NOMO3: variants seen among roughly 807,000 people sequenced by gnomAD.
The protein encoded by NOMO3 is NODAL modulator 3.
NOMO3 carries 15 observed loss-of-function variants against 69.9 expected under a neutral mutation model. That is an observed-to-expected ratio of 0.21 (90% confidence interval 0.14 to 0.33). The LOEUF (loss-of-function observed/expected upper bound fraction) is 0.33. Among genes scored for constraint, NOMO3 ranks in the 10% least tolerant of loss-of-function variants. The probability of loss-of-function intolerance (pLI) is 1.00; values close to 1 mark genes in which losing one functional copy is unlikely to be tolerated. For synonymous variants in NOMO3, 89 were observed against 301.9 expected (o/e 0.29, Z 7.31); for missense variants, 218 against 761.0 (o/e 0.29, Z 8.39).
Position 16,233,522 on chromosome 16 carries a change from T to TTA in NOMO3, c.165+691_165+692insTA, listed in dbSNP as rs1555524864. Among the ~76,000 whole-genome samples, 200 of 114,708 alleles carry TTA rather than the reference T, an allele frequency of 1.7e-3. 1 individual carries two copies. The highest frequency in any genetic ancestry group is 2.5e-3 in the Non-Finnish European group (128 of 51,684). The allele number at this position is 114,708 out of a possible 152,430, so 75.3% of individuals were successfully genotyped here. A position where few individuals can be genotyped will look rare whatever the true frequency, so the allele number is the denominator to read the frequency against. On this transcript the variant is annotated intron_variant, in intron 1 of 30. Transcript: ENST00000399336. ...TGAAGGTTTTTTTTTTTTTTTTTTTTAATTAAGTTGTAAAGTCCTGTTAAA... is the reference window on the plus strand; with the variant it reads ...TGAAGGTTTTTTTTTTTTTTTTTTTTTAAATTAAGTTGTAAAGTCCTGTTAAA...
At chr16:16,243,434 G>A (rs1161577764) in intron 4 of NOMO3, among the ~76,000 whole-genome samples, 173 bp downstream of exon 4, 1 of 143,722 alleles carries the variant, frequency 7.0e-6, no homozygotes, top group East Asian at 2.2e-4. Context: ...GAACACAGCA[G>A]GTGTATTTAG....
chr16:16,249,194 T>C (rs1041594663), intron 6 of NOMO3, among the ~76,000 whole-genome samples: 10 of 145,520 alleles, frequency 6.9e-5, no homozygotes, highest in South Asian at 2.2e-4. Flanking sequence ...TACGCACTTA[T>C]AATTGATGAT....
intron 2 of NOMO3, among the ~76,000 whole-genome samples, chr16:16,239,411 C>T (rs2049357526): frequency 6.8e-6 from 1 of 146,238 alleles, no homozygotes; most frequent in Admixed American, 6.7e-5. Context: ...CTGCCTTGGC[C>T]TCCCACAGTG....
At chr16:16,268,348 T>C (rs960588928) in intron 16 of NOMO3, among the ~76,000 whole-genome samples, 2 of 146,314 alleles carry the variant, frequency 1.4e-5, no homozygotes, top group African/African-American at 5.5e-5. Context: ...CATTTGATAT[T>C]CCCACCAGCA....
chr16:16,265,943 C>T (rs1141486), intron 15 of NOMO3, among the ~76,000 whole-genome samples: 45 of 141,990 alleles, frequency 3.2e-4, no homozygotes, highest in African/African-American at 4.7e-4. Flanking sequence ...GATCCACCCG[C>T]GTTGGCCTCG....
chr16:16,265,884 G>T (rs2049615423), intron 15 of NOMO3, among the ~76,000 whole-genome samples: 1 of 140,842 alleles, frequency 7.1e-6, no homozygotes, highest in Admixed American at 6.8e-5. Flanking sequence ...GTTAGAGACA[G>T]AGTTCCACCA....
At chr16:16,269,383 G>A (rs576051193) in intron 16 of NOMO3, among the ~76,000 whole-genome samples, 7 of 142,236 alleles carry the variant, frequency 4.9e-5, no homozygotes, top group Non-Finnish European at 8.9e-5. Flanking sequence ...ATGCTCTGTC[G>A]ATATTTGTTG....
At position 16,242,511 on chromosome 16, in the gene NOMO3, C is replaced by T. The variant is rs1347095693; in HGVS notation, c.302-650C>T. Among the ~76,000 whole-genome samples, 2 of 142,854 alleles carry T rather than the reference C, an allele frequency of 1.4e-5. 1 individual carries two copies. Among genetic ancestry groups the T allele is most frequent in the African/African-American group, 5.7e-5 (2 of 34,996 alleles). 93.7% of individuals were successfully genotyped at this position (142,854 alleles called of 152,430 possible). On this transcript the variant is annotated intron_variant, in intron 3 of 30. Coordinates refer to ENST00000399336, the MANE Select transcript of NOMO3 (RefSeq NM_001004067.4). ...TGGCAGACTTGAGTGGCAGTTGTCTCCTTTCAATTTGCCACAGTCCCCCTG... is the reference window on the plus strand; with the variant it reads ...TGGCAGACTTGAGTGGCAGTTGTCTTCTTTCAATTTGCCACAGTCCCCCTG...
Position 16,261,156 on chromosome 16 carries a change from C to G in NOMO3, c.1221-346C>G, listed in dbSNP as rs2141257737. ...TCTCAGTCCAAGGCCGCTCTGCTGT[C>G]AACGATCCAATTACCTGAAACGTTT... On this transcript the variant is annotated intron_variant, in intron 11 of 30. Coordinates refer to ENST00000399336, the MANE Select transcript of NOMO3 (RefSeq NM_001004067.4). 2 of 329,986 alleles carry G rather than the reference C, an allele frequency of 6.1e-6. 1 individual carries two copies. The highest frequency in any genetic ancestry group is 2.0e-4 in the East Asian group (2 of 9,926). The allele number at this position is 329,986 out of a possible 1,614,324, so 20.4% of individuals were successfully genotyped here. A position where few individuals can be genotyped will look rare whatever the true frequency, so the allele number is the denominator to read the frequency against.
chr16:16,257,758 T>G (rs1250526155), intron 11 of NOMO3, among the ~76,000 whole-genome samples: 1 of 143,720 alleles, frequency 7.0e-6, no homozygotes, highest in Admixed American at 6.7e-5. Flanking sequence ...GTCCCCTGGC[T>G]TGATCACTGA....
intron 6 of NOMO3, among the ~76,000 whole-genome samples, chr16:16,248,555 C>T (rs1468453726): frequency 1.4e-5 from 2 of 147,296 alleles, no homozygotes; most frequent in African/African-American, 2.5e-5. Flanking sequence ...GTGCCACTGC[C>T]CCTAGCTAAG....
rs2049505450 is a variant in NOMO3 at position 16,255,744 on chromosome 16, T to C, written c.988T>C (p.Ser330Pro). ...IEPVFHVMGFSVTGRVLNGPE... is the reference protein window; with the variant it reads ...IEPVFHVMGFPVTGRVLNGPE... Reference sequence around the variant, plus strand: ...GCCCGTGTTCCACGTCATGGGATTCTCCGTCACCGGGAGGGTCTTGAACGG... The same window carrying C: ...GCCCGTGTTCCACGTCATGGGATTCCCCGTCACCGGGAGGGTCTTGAACGG... Residue 330 changes from serine to proline, a missense_variant, in exon 10 of 31, where the codon TCC (serine) becomes CCC (proline). Ser to Pro is a moderately conservative substitution (Grantham distance 74). Transcript: ENST00000399336. The C allele has an allele frequency of 1.9e-6, 3 of 1,589,154 alleles. 1 individual carries two copies. Among genetic ancestry groups the C allele is most frequent in the Non-Finnish European group, 2.5e-6 (3 of 1,177,240 alleles).
intron 15 of NOMO3, among the ~76,000 whole-genome samples, chr16:16,266,305 G>A (rs572550177): frequency 0.039 from 5,168 of 131,626 alleles, 510 homozygotes; most frequent in African/African-American, 0.073. Context: ...ATTAATATCC[G>A]GTTCATAATA....
At chr16:16,233,508 T>TG (rs1455990660) in intron 1 of NOMO3, among the ~76,000 whole-genome samples, 1 of 126,482 alleles carries the variant, frequency 7.9e-6, no homozygotes. Context: ...GAAGGTTTTT[T>TG]TTTTTTTTTT....
In NOMO3 at chr16:16,255,665, T is replaced by C; in HGVS notation, c.964-55T>C. The C allele has an allele frequency of 1.3e-6, 2 of 1,578,026 alleles. 1 individual carries two copies. The highest frequency in any genetic ancestry group is 1.7e-6 in the Non-Finnish European group (2 of 1,167,694). On this transcript the variant is annotated intron_variant, in intron 9 of 30. Transcript: ENST00000399336. ...GTGGCCGGCGCAGCAGAAGGAGGCTTTGTGGCTCTGGCACAGGAGCACCTT... is the reference window on the plus strand; with the variant it reads ...GTGGCCGGCGCAGCAGAAGGAGGCTCTGTGGCTCTGGCACAGGAGCACCTT...
Position 16,270,106 on chromosome 16 carries a change from A to G in NOMO3, c.1895-15A>G, listed in dbSNP as rs1362761742. 3 of 1,541,248 alleles carry G rather than the reference A, an allele frequency of 1.9e-6. No individual in the cohort carries two copies. Among genetic ancestry groups the G allele is most frequent in the African/African-American group, 1.8e-5 (1 of 55,570 alleles). ...TGCCATTCTCTGAAAATTACTTTTG[A>G]TTTCCTGTCTGTAGGTGTGTACAAA... On this transcript the variant is annotated splice_polypyrimidine_tract_variant and intron_variant, in intron 16 of 30. Transcript: ENST00000399336.
At chr16:16,265,668 ATATTTTTTT>A (rs1422239026) in intron 15 of NOMO3, among the ~76,000 whole-genome samples, 17 of 24,892 alleles carry the variant, frequency 6.8e-4, no homozygotes, top group African/African-American at 1.0e-3. Flanking sequence ...ATATATATAT[ATATTTTTTT>A]TTTTTTTTTT....
At chr16:16,235,880 C>T (rs2049322352) in intron 1 of NOMO3, 1 of 440,334 alleles carries the variant, frequency 2.3e-6, no homozygotes, top group Middle Eastern at 3.4e-4. Flanking sequence ...TCTGTACAAC[C>T]ACATGAAAAG....
chr16:16,288,184 GAAACA>G lies in NOMO3; in HGVS notation c.3444+354_3444+358del, dbSNP rs745319461. On this transcript the variant is annotated intron_variant, in intron 29 of 30. Coordinates refer to ENST00000399336, the MANE Select transcript of NOMO3 (RefSeq NM_001004067.4). Reference sequence around the variant, plus strand: ...ACAGAGTGAGACCCTTTCTCCAGAAGAAACAAAACAAAACAAAACAAAACAAAACA... The same window carrying G: ...ACAGAGTGAGACCCTTTCTCCAGAAGAAACAAAACAAAACAAAACAAAACA... 6.2e-4 allele frequency among the ~76,000 whole-genome samples: 58 copies of G among 93,932 alleles called. 11 individuals are homozygous for G. Among genetic ancestry groups the G allele is most frequent in the African/African-American group, 1.8e-3 (35 of 19,222 alleles). The allele number at this position is 93,932 out of a possible 152,430, so 61.6% of individuals were successfully genotyped here.
Sources: gnomAD v4.1 joint callset for allele counts (sites outside exome capture counted in the v4.1 genomes callset) on GRCh38, gnomAD v4.1.1 for gene constraint, MANE v1.5 for transcripts, NCBI Gene and HGNC (gene_info 2026-07-23, HGNC 2026-07-21) for gene names.